Variants in ABCC5 observed in about 807,000 individuals in gnomAD.
ABCC5 encodes the protein ATP binding cassette subfamily C member 5.
In ABCC5, 61 loss-of-function variants were observed where a neutral mutation model predicts 160.9. The ratio of observed to expected loss-of-function variants is 0.38; its 90% CI spans 0.31 to 0.47. The LOEUF is 0.47. Ranked by LOEUF, ABCC5 falls within the 20% of genes least tolerant of loss-of-function variation. ABCC5 has a pLI of 0.99. For missense variants in ABCC5, 1,308 were observed against 1,813.3 expected (o/e 0.72, Z 5.06); for synonymous variants, 666 against 700.6 (o/e 0.95, Z 0.78).
chr3:183,977,748 G>T, intron 9 of ABCC5, 124 bp from the exon 10 acceptor site: 1 of 634,982 alleles, frequency 1.6e-6, no homozygotes, highest in Non-Finnish European at 2.7e-6. Context: ...GTTATTACAA[G>T]TCAATTACAT....
intron 2 of ABCC5, among the ~76,000 whole-genome samples, chr3:183,997,011 C>T (rs975984707): frequency 2.6e-5 from 4 of 152,142 alleles, no homozygotes; most frequent in Non-Finnish European, 5.9e-5. Flanking sequence ...TGTCCTACTC[C>T]ATATTTGCAC....
chr3:183,977,805 T>G (rs965086272), intron 9 of ABCC5, among the ~76,000 whole-genome samples, 181 bp from the exon 10 acceptor site: 1 of 151,790 alleles, frequency 6.6e-6, no homozygotes, highest in Non-Finnish European at 1.5e-5. Context: ...CAGGCTGGAG[T>G]GCAGTGACAC....
At position 183,951,198 on chromosome 3, in the gene ABCC5, CTG is replaced by C. The variant is rs1389861295; in HGVS notation, c.2944+241_2944+242del. Among the ~76,000 whole-genome samples the C allele has an allele frequency of 2.0e-5, 3 of 152,224 alleles. No homozygotes were observed. The highest frequency in any genetic ancestry group is 2.9e-5 in the Non-Finnish European group (2 of 68,044). On this transcript the variant is annotated intron_variant, in intron 20 of 29. Transcript: ENST00000334444. The surrounding 1 kb of genome is among the most constrained non-coding windows in gnomAD (Gnocchi z 4.7). ...AGAAACCAATGCATTGCTTTAAAAT[CTG>C]TGTGTGTTTCAGAATCTCAGATGCC...
chr3:184,000,955 T>G (rs1720697345), intron 2 of ABCC5: 1 of 368,620 alleles, frequency 2.7e-6, no homozygotes, highest in East Asian at 4.0e-5. Flanking sequence ...TAGCCACATT[T>G]AAAAAGTAAA....
intron 2 of ABCC5, chr3:184,010,038 G>T: frequency 2.5e-6 from 1 of 400,756 alleles, no homozygotes; most frequent in African/African-American, 2.1e-5. Context: ...CAGATGTGGT[G>T]GCTGACGCCT....
In ABCC5 at chr3:183,949,708, G is replaced by T; in HGVS notation, c.3227+45C>A. The T allele has an allele frequency of 1.2e-6, 2 of 1,605,318 alleles. No individual in the cohort carries two copies. Among genetic ancestry groups the T allele is most frequent in the South Asian group, 1.1e-5 (1 of 90,206 alleles). On this transcript the variant is annotated intron_variant, in intron 22 of 29. Coordinates refer to ENST00000334444, the MANE Select transcript of ABCC5 (RefSeq NM_005688.4). The surrounding 1 kb of genome is among the most constrained non-coding windows in gnomAD (Gnocchi z 4.2). The stretch of plus-strand genomic sequence containing the variant: ...CTCCCGGACAAGTATCAAACGCTGG[G>T]ATGCTGACTCCCCTTTGAGGCCTCT...
chr3:183,947,387 G>A lies in ABCC5; in HGVS notation c.3351C>T (p.Ile1117=), dbSNP rs1406190401. Reference sequence around the variant, plus strand: ...GGGGAATCTGCCCGTGCATAAGAACGATCATCAGCCCCGTGGTGGTGATGA... The same window carrying A: ...GGGGAATCTGCCCGTGCATAAGAACAATCATCAGCCCCGTGGTGGTGATGA... The part of the protein sequence containing the change: ...IALITTTGLM[I]VLMHGQIPPA... The change falls in exon 23 of 30, where the codon ATC becomes ATT. Residue 1117 remains isoleucine (I), a synonymous_variant. Coordinates refer to ENST00000334444, the MANE Select transcript of ABCC5 (RefSeq NM_005688.4). 4 of 1,613,656 alleles carry A rather than the reference G, an allele frequency of 2.5e-6. No homozygotes were observed. Among genetic ancestry groups the A allele is most frequent in the Non-Finnish European group, 3.4e-6 (4 of 1,179,828 alleles).
chr3:183,955,365 G>A (rs1715777108), intron 17 of ABCC5, among the ~76,000 whole-genome samples: 1 of 152,184 alleles, frequency 6.6e-6, no homozygotes, highest in Non-Finnish European at 1.5e-5. Context: ...CTATATAAAT[G>A]TTAATGCTCG....
chr3:183,981,599 T>C, intron 8 of ABCC5, 128 bp downstream of exon 8: 1 of 1,036,554 alleles, frequency 9.6e-7, no homozygotes, highest in Non-Finnish European at 1.4e-6. Context: ...TTCTATGATA[T>C]TATGTCCTAC....
rs1417366068 is a variant in ABCC5, at chr3:183,945,817, C to A, written c.3504+33G>T. On this transcript the variant is annotated intron_variant, in intron 24 of 29. Coordinates refer to ENST00000334444, the MANE Select transcript of ABCC5 (RefSeq NM_005688.4). Reference sequence around the variant, plus strand: ...AGGGTAAACCGACTCCAAGAGGAGTCAGATCACGGTAAAAGGCCTACAGCA... The same window carrying A: ...AGGGTAAACCGACTCCAAGAGGAGTAAGATCACGGTAAAAGGCCTACAGCA... The A allele has an allele frequency of 2.5e-6, 4 of 1,584,016 alleles. No homozygotes were observed. The Admixed American group carries it at 5.0e-5, about 20-fold the overall frequency.
At chr3:183,977,372 GC>G in intron 10 of ABCC5, 144 bp downstream of exon 10, 1 of 553,080 alleles carries the variant, frequency 1.8e-6, no homozygotes, top group Non-Finnish European at 3.2e-6. Context: ...CTCCTCCACT[GC>G]CCCCTTTTTC....
Position 183,987,731 on chromosome 3 carries a change from G to A in ABCC5, c.591+39C>T, listed in dbSNP as rs773390123. ...AGAGTGTTAGAGCTGGCCGTGGCCG[G>A]GCCCCTGGAGACTGTCGGAAAGGAT... On this transcript the variant is annotated intron_variant, in intron 5 of 29. Transcript: ENST00000334444. This position sits in a 1 kb window ranked among gnomAD's most constrained non-coding sequence, Gnocchi z 4.2. 3 of 1,613,874 alleles carry A rather than the reference G, an allele frequency of 1.9e-6. No individual in the cohort carries two copies. In the Admixed American group the frequency reaches 5.0e-5, roughly 27 times the overall value.
At chr3:183,956,223 A>C (rs13097142) in intron 17 of ABCC5, among the ~76,000 whole-genome samples, 4 of 75,038 alleles carry the variant, frequency 5.3e-5, no homozygotes, top group Non-Finnish European at 8.4e-5. Flanking sequence ...TCCGTGTGTA[A>C]ATCACATCGG....
At chr3:183,958,739 C>T (rs1716457633) in intron 17 of ABCC5, among the ~76,000 whole-genome samples, 2 of 151,818 alleles carry the variant, frequency 1.3e-5, no homozygotes, top group African/African-American at 4.8e-5. Context: ...GCTGGGACTA[C>T]AGGTATGTGC....
intron 11 of ABCC5, among the ~76,000 whole-genome samples, chr3:183,968,910 A>G (rs930493309): frequency 6.6e-6 from 1 of 152,188 alleles, no homozygotes; most frequent in African/African-American, 2.4e-5. Context: ...CACCTTGAGG[A>G]AAGGCAGTAT....
intron 25 of ABCC5, among the ~76,000 whole-genome samples, chr3:183,938,859 C>A (rs192488550): frequency 6.6e-6 from 1 of 152,258 alleles, no homozygotes; most frequent in East Asian, 1.9e-4. Flanking sequence ...TAAACACATA[C>A]GGGAAGGAGG....
intron 10 of ABCC5, among the ~76,000 whole-genome samples, chr3:183,974,673 T>C (rs1208967164): frequency 6.6e-6 from 1 of 152,234 alleles, no homozygotes; most frequent in Non-Finnish European, 1.5e-5. Flanking sequence ...CCATGCAGTA[T>C]TTCACTGGGT....
chr3:183,940,614 G>A (rs573693164), intron 25 of ABCC5, among the ~76,000 whole-genome samples: 7 of 152,090 alleles, frequency 4.6e-5, no homozygotes, highest in South Asian at 2.1e-4. Context: ...AATGGTGCCC[G>A]AAACAATGGG....
In ABCC5 at chr3:183,987,651, C is replaced by T; in HGVS notation, c.591+119G>A. The stretch of plus-strand genomic sequence containing the variant: ...CGACCCCTTTCAACAGACCTGAAGG[C>T]ATCTCTAAGACTGCTACCTAGCCCA... On this transcript the variant is annotated intron_variant, in intron 5 of 29. Transcript: ENST00000334444. This position sits in a 1 kb window ranked among gnomAD's most constrained non-coding sequence, Gnocchi z 4.2. 7.3e-7 allele frequency: 1 copy of T among 1,364,434 alleles called. No individual in the cohort carries two copies. Among genetic ancestry groups the T allele is most frequent in the African/African-American group, 1.4e-5 (1 of 69,520 alleles). 84.5% of individuals were successfully genotyped at this position (1,364,434 alleles called of 1,614,324 possible).
Sources: gnomAD v4.1 joint callset for allele counts (sites outside exome capture counted in the v4.1 genomes callset) on GRCh38, gnomAD v4.1.1 for gene constraint, Gnocchi (gnomAD v3.1) non-coding constraint, MANE v1.5 for transcripts, NCBI Gene and HGNC (gene_info 2026-07-23, HGNC 2026-07-21) for gene names.